The following ZNF804B variants were observed in gnomAD, a reference collection of about 807,000 sequenced individuals.
The protein encoded by ZNF804B is zinc finger protein 804B, also known as zinc finger 804B.
A neutral mutation model predicts 101.4 loss-of-function variants in ZNF804B; 80 were observed. That is an observed-to-expected ratio of 0.79 (90% CI 0.66 to 0.95). The LOEUF (loss-of-function observed/expected upper bound fraction) is 0.95, where lower values mean the gene tolerates loss of function less well. ZNF804B is among the 40% of genes least tolerant of loss of function. The pLI is 0.00. For synonymous variants in ZNF804B, 622 were observed against 558.8 expected (o/e 1.11, Z -1.59); for missense variants, 1,673 against 1,561.9 (o/e 1.07, Z -1.20).
At chr7:88,836,649 T>C (rs1436516654) in intron 1 of ZNF804B, among the ~76,000 whole-genome samples, 1 of 151,924 alleles carries the variant, frequency 6.6e-6, no homozygotes, top group African/African-American at 2.4e-5. Context: ...AATGAGTAAA[T>C]GAATGTTGAT....
intron 1 of ZNF804B, among the ~76,000 whole-genome samples, chr7:89,132,417 T>C (rs1192420763): frequency 6.6e-6 from 1 of 151,722 alleles, no homozygotes; most frequent in Non-Finnish European, 1.5e-5. Context: ...GAAAGAGAAA[T>C]AAAATCCCAC....
At chr7:89,025,093 C>T (rs184341816) in intron 1 of ZNF804B, among the ~76,000 whole-genome samples, 6 of 152,156 alleles carry the variant, frequency 3.9e-5, no homozygotes, top group Admixed American at 3.9e-4. Context: ...GCTTACTATA[C>T]ATTTAAATTT....
intron 1 of ZNF804B, among the ~76,000 whole-genome samples, chr7:88,820,836 G>A (rs1790966123): frequency 6.6e-6 from 1 of 152,146 alleles, no homozygotes; most frequent in South Asian, 2.1e-4. Flanking sequence ...ATAGGTGTCT[G>A]AGAGTCCTAG....
At chr7:89,251,210 A>G (rs528324605) in intron 2 of ZNF804B, among the ~76,000 whole-genome samples, 1 of 152,344 alleles carries the variant, frequency 6.6e-6, no homozygotes, top group Admixed American at 6.5e-5. Context: ...CTCTACAAAA[A>G]GGTTCTTGGA....
At chr7:88,771,126 C>T (rs1790055186) in intron 1 of ZNF804B, among the ~76,000 whole-genome samples, 1 of 151,950 alleles carries the variant, frequency 6.6e-6, no homozygotes, top group Admixed American at 6.6e-5. Flanking sequence ...ATCCTGTATC[C>T]AGAGGGTAAA....
intron 2 of ZNF804B, among the ~76,000 whole-genome samples, chr7:89,297,413 A>C (rs926632599): frequency 6.6e-6 from 1 of 152,088 alleles, no homozygotes; most frequent in Non-Finnish European, 1.5e-5. Context: ...TTCTCCAAAA[A>C]TGAAGCATTC....
At chr7:89,154,166 G>A (rs1341559996) in intron 1 of ZNF804B, among the ~76,000 whole-genome samples, 1 of 152,054 alleles carries the variant, frequency 6.6e-6, no homozygotes, top group Non-Finnish European at 1.5e-5. Context: ...AAAAATGCAA[G>A]TTAAAACTAC....
intron 1 of ZNF804B, among the ~76,000 whole-genome samples, chr7:89,063,953 A>AC (rs1789414006): frequency 6.6e-6 from 1 of 152,196 alleles, no homozygotes; most frequent in Admixed American, 6.5e-5. Flanking sequence ...TACTCTCAAT[A>AC]AACTATCAAC....
chr7:88,787,924 A>G (rs1174583373), intron 1 of ZNF804B, among the ~76,000 whole-genome samples: 1 of 152,186 alleles, frequency 6.6e-6, no homozygotes, highest in Non-Finnish European at 1.5e-5. Context: ...AGATCAGACA[A>G]TGGGAACACT....
At chr7:89,248,868 T>C (rs1789491106) in intron 2 of ZNF804B, among the ~76,000 whole-genome samples, 1 of 151,718 alleles carries the variant, frequency 6.6e-6, no homozygotes, top group African/African-American at 2.4e-5. Context: ...ACACAGAAGA[T>C]CCATGTATCT....
intron 1 of ZNF804B, among the ~76,000 whole-genome samples, chr7:89,111,129 T>C (rs1790209779): frequency 6.6e-6 from 1 of 152,222 alleles, no homozygotes; most frequent in African/African-American, 2.4e-5. Flanking sequence ...CTCCAACCAT[T>C]GAAGAATATC....
At chr7:88,786,677 A>G (rs1790307592) in intron 1 of ZNF804B, among the ~76,000 whole-genome samples, 1 of 152,112 alleles carries the variant, frequency 6.6e-6, no homozygotes, top group African/African-American at 2.4e-5. Context: ...CACCTCATCT[A>G]AAGATAGCAA....
intron 1 of ZNF804B, among the ~76,000 whole-genome samples, chr7:89,193,882 C>T (rs532497160): frequency 0.013 from 2,046 of 152,128 alleles, 40 homozygotes; most frequent in African/African-American, 0.046. Flanking sequence ...CCTGAGGAAT[C>T]GCCACACTGA....
At chr7:89,038,377 C>T (rs934984109) in intron 1 of ZNF804B, among the ~76,000 whole-genome samples, 4 of 152,064 alleles carry the variant, frequency 2.6e-5, no homozygotes, top group Admixed American at 6.6e-5. Flanking sequence ...GAGGTGATAT[C>T]TCATTGTGGT....
intron 1 of ZNF804B, among the ~76,000 whole-genome samples, chr7:89,162,264 T>G (rs1791078221): frequency 6.6e-6 from 1 of 152,178 alleles, no homozygotes; most frequent in African/African-American, 2.4e-5. Context: ...CAATGAGTTC[T>G]GAAGATTTAT....
At chr7:89,068,911 G>T (rs1789495289) in intron 1 of ZNF804B, among the ~76,000 whole-genome samples, 2 of 152,154 alleles carry the variant, frequency 1.3e-5, no homozygotes. Flanking sequence ...TTCAAGGCTA[G>T]AACTGAGATG....
rs183637587 is a variant in ZNF804B, at chr7:89,167,529, A to G, written c.109-50626A>G. ...CTAGTGTTGTTCAGGAGTCAACTGT[A>G]TTTTGAACAAAGCAACCAATTCTTG... On this transcript the variant is annotated intron_variant, in intron 1 of 3. Transcript: ENST00000333190. Among the ~76,000 whole-genome samples the G allele has an allele frequency of 1.5e-3, 236 of 152,292 alleles. 3 individuals carry two copies. Among genetic ancestry groups the G allele is most frequent in the Middle Eastern group, 0.01 (3 of 294 alleles).
At chr7:88,786,778 A>T (rs1790308905) in intron 1 of ZNF804B, among the ~76,000 whole-genome samples, 1 of 152,174 alleles carries the variant, frequency 6.6e-6, no homozygotes, top group Non-Finnish European at 1.5e-5. Flanking sequence ...GAAAATATTG[A>T]TAATGGCCTG....
intron 1 of ZNF804B, among the ~76,000 whole-genome samples, chr7:88,858,216 A>T (rs1791599705): frequency 6.6e-6 from 1 of 152,180 alleles, no homozygotes; most frequent in Non-Finnish European, 1.5e-5. Context: ...TCCTCAAATT[A>T]GGCTAACCTC....
Sources: gnomAD v4.1 joint callset for allele counts (sites outside exome capture counted in the v4.1 genomes callset) on GRCh38, gnomAD v4.1.1 for gene constraint, MANE v1.5 for transcripts, NCBI Gene and HGNC (gene_info 2026-07-23, HGNC 2026-07-21) for gene names.